Variants in PCLO observed in about 807,000 individuals in gnomAD.
PCLO encodes the protein protein piccolo.
In PCLO, 82 loss-of-function variants were observed where a neutral mutation model predicts 427.5. The ratio of observed to expected loss-of-function variants is 0.19; its 90% CI spans 0.16 to 0.23. PCLO has a LOEUF of 0.23. Among genes scored for constraint, PCLO ranks in the 10% least tolerant of loss-of-function variants. The probability of loss-of-function intolerance (pLI) is 1.00; values close to 1 mark genes in which losing one functional copy is unlikely to be tolerated. For missense variants in PCLO, 6,239 were observed against 6,115.9 expected (o/e 1.02, Z -0.67); for synonymous variants, 2,357 against 2,155.4 (o/e 1.09, Z -2.59).
At chr7:82,784,658 G>A (rs1244920055) in intron 22 of PCLO, among the ~76,000 whole-genome samples, 2 of 152,074 alleles carry the variant, frequency 1.3e-5, no homozygotes, top group African/African-American at 2.4e-5. Flanking sequence ...AGTATTTACT[G>A]TATTTCTTTT....
chr7:82,779,130 C>A (rs567075584), intron 22 of PCLO, among the ~76,000 whole-genome samples: 6 of 152,086 alleles, frequency 3.9e-5, no homozygotes, highest in African/African-American at 1.4e-4. Flanking sequence ...CTTTATCATA[C>A]AGATATTATG....
chr7:83,075,306 G>T (rs988232730), intron 3 of PCLO, among the ~76,000 whole-genome samples: 4 of 152,152 alleles, frequency 2.6e-5, no homozygotes, highest in Admixed American at 6.5e-5. Context: ...GATAGATTTG[G>T]ATGAGGAGTC....
rs369766575 is a variant in PCLO, at chr7:82,794,323, T to A, written c.15007+7195A>T. ...ATCTCTCCCTTTTCTGTGGAATTAC[T>A]GCTAGTTAGAATTTGAGCCTGATAG... On this transcript the variant is annotated intron_variant, in intron 22 of 24. Transcript: ENST00000333891. 3.3e-5 allele frequency among the ~76,000 whole-genome samples: 5 copies of A among 151,950 alleles called. No homozygotes were observed. The East Asian group carries it at 9.6e-4, about 29-fold the overall frequency.
Position 82,949,886 on chromosome 7 carries a change from G to C in PCLO, c.10702C>G (p.Gln3568Glu). 1.2e-6 allele frequency: 2 copies of C among 1,613,668 alleles called. No individual in the cohort carries two copies. Among genetic ancestry groups the C allele is most frequent in the South Asian group, 2.2e-5 (2 of 91,064 alleles). Residue 3568 changes from glutamine to glutamate, a missense_variant, in exon 6 of 25, where the codon CAA (glutamine) becomes GAA (glutamate). Transcript: ENST00000333891. ...KTYKGGSLGCQTEADSDTQSP... is the reference protein window; with the variant it reads ...KTYKGGSLGCETEADSDTQSP... ...TGTGTGTCTGAATCTGCTTCTGTTT[G>C]ACATCCTAAACTGCCCCCTTTGTAA...
intron 3 of PCLO, among the ~76,000 whole-genome samples, chr7:83,071,808 T>C (rs1789823588): frequency 6.6e-6 from 1 of 152,160 alleles, no homozygotes; most frequent in East Asian, 1.9e-4. Context: ...CTTTATTTGG[T>C]CATGTTGTTG....
At chr7:83,011,951 C>CT (rs901336130) in intron 3 of PCLO, among the ~76,000 whole-genome samples, 16 of 151,208 alleles carry the variant, frequency 1.1e-4, no homozygotes, top group East Asian at 9.7e-4. Context: ...TATATAATAT[C>CT]TTTTTTTTTG....
chr7:82,952,023 T>C lies in PCLO; in HGVS notation c.8930A>G (p.Asp2977Gly). ...TCTATAACCATATGGCCCTGATCGA[T>C]CATACTGATAGTGGTCATCCCTATA... ...FGYRDDHYQY[D>G]RSGPYGYRGI... Residue 2977 changes from aspartate to glycine, a missense_variant, in exon 5 of 25, where the codon GAT (aspartate) becomes GGT (glycine). Coordinates refer to ENST00000333891, the MANE Select transcript of PCLO (RefSeq NM_033026.6). 1 of 1,613,964 alleles carries C rather than the reference T, an allele frequency of 6.2e-7. No homozygotes were observed. Among genetic ancestry groups the C allele is most frequent in the South Asian group, 1.1e-5 (1 of 91,092 alleles).
At chr7:82,913,905 A>G (rs1443925098) in intron 7 of PCLO, among the ~76,000 whole-genome samples, 1 of 152,052 alleles carries the variant, frequency 6.6e-6, no homozygotes, top group Non-Finnish European at 1.5e-5. Context: ...AAAAGGCTAA[A>G]TGGGCAAATC....
At chr7:82,923,485 T>C (rs1794644293) in intron 6 of PCLO, among the ~76,000 whole-genome samples, 1 of 152,118 alleles carries the variant, frequency 6.6e-6, no homozygotes, top group Non-Finnish European at 1.5e-5. Flanking sequence ...TACATACCAG[T>C]CAAATTAACT....
intron 16 of PCLO, among the ~76,000 whole-genome samples, chr7:82,834,952 T>TTTGTTTG (rs1554338188): frequency 5.7e-4 from 72 of 126,848 alleles, no homozygotes; most frequent in Non-Finnish European, 7.8e-4. Context: ...TTATCTTTTT[T>TTTGTTTG]TTTGTTTGTT....
intron 4 of PCLO, among the ~76,000 whole-genome samples, 172 bp from the exon 5 acceptor site, chr7:82,957,107 G>C (rs1404354805): frequency 6.6e-6 from 1 of 152,084 alleles, no homozygotes; most frequent in Non-Finnish European, 1.5e-5. Flanking sequence ...ATATGCGTTG[G>C]TAAGGTTAGT....
intron 3 of PCLO, among the ~76,000 whole-genome samples, chr7:82,978,858 AC>A (rs1796084868): frequency 6.6e-5 from 1 of 15,046 alleles, no homozygotes; most frequent in African/African-American, 1.2e-4. Flanking sequence ...ACACACACAA[AC>A]ACACACACAC....
chr7:83,026,274 T>C lies in PCLO; in HGVS notation c.3301-59787A>G, dbSNP rs1392099912. On this transcript the variant is annotated intron_variant, in intron 3 of 24. Coordinates refer to ENST00000333891, the MANE Select transcript of PCLO (RefSeq NM_033026.6). ...GATGGAGGAAGATCCACCAAGCAAA[T>C]GGAAAACAAAAAAAGGCAGGGGTTG... 8.6e-5 allele frequency among the ~76,000 whole-genome samples: 13 copies of C among 151,422 alleles called. No homozygotes were observed. In the South Asian group the frequency reaches 2.7e-3, roughly 32 times the overall value.
intron 3 of PCLO, among the ~76,000 whole-genome samples, chr7:83,067,543 A>G (rs979531913): frequency 2.0e-5 from 3 of 152,122 alleles, no homozygotes; most frequent in Admixed American, 6.6e-5. Flanking sequence ...TCACCACTGA[A>G]TCCCCTGGCT....
intron 22 of PCLO, among the ~76,000 whole-genome samples, chr7:82,776,201 A>C (rs1319480086): frequency 6.6e-6 from 1 of 152,350 alleles, no homozygotes; most frequent in East Asian, 1.9e-4. Context: ...AACCAAAACC[A>C]ATACTACGTT....
At chr7:82,886,372 T>A (rs558415390) in intron 9 of PCLO, among the ~76,000 whole-genome samples, 4 of 147,618 alleles carry the variant, frequency 2.7e-5, no homozygotes, top group Non-Finnish European at 6.2e-5. Context: ...TGCATATATA[T>A]CTGTTAAATG....
chr7:82,986,855 A>C (rs374286927), intron 3 of PCLO, among the ~76,000 whole-genome samples: 6 of 151,972 alleles, frequency 3.9e-5, no homozygotes, highest in East Asian at 3.9e-4. Context: ...CAGGAATTTT[A>C]TTACATCTAG....
chr7:82,911,651 T>A (rs993083617), intron 7 of PCLO, among the ~76,000 whole-genome samples: 9 of 152,018 alleles, frequency 5.9e-5, no homozygotes, highest in African/African-American at 1.9e-4. Context: ...TGAGACGAAG[T>A]CTCACTCTGT....
At chr7:82,820,401 C>G in intron 20 of PCLO, 1 of 562,026 alleles carries the variant, frequency 1.8e-6, no homozygotes, top group Non-Finnish European at 2.4e-6. Context: ...TCTATTGCAA[C>G]GAAATCAATT....
Sources: gnomAD v4.1 joint callset for allele counts (sites outside exome capture counted in the v4.1 genomes callset) on GRCh38, gnomAD v4.1.1 for gene constraint, MANE v1.5 for transcripts, NCBI Gene and HGNC (gene_info 2026-07-23, HGNC 2026-07-21) for gene names.